The following KPNA6 variants were observed in gnomAD, a reference collection of about 807,000 sequenced individuals.
The protein encoded by KPNA6 is importin subunit alpha-7.
In KPNA6, 9 loss-of-function variants were observed where a neutral mutation model predicts 72.0. That is an observed-to-expected ratio of 0.13 (90% CI 0.08 to 0.22). The LOEUF (loss-of-function observed/expected upper bound fraction) is 0.22, where lower values mean the gene tolerates loss of function less well. Ranked by LOEUF, KPNA6 falls within the 10% of genes least tolerant of loss-of-function variation. The pLI is 1.00. For synonymous variants in KPNA6, 219 were observed against 242.1 expected (o/e 0.90, Z 0.89); for missense variants, 374 against 655.7 (o/e 0.57, Z 4.69).
chr1:32,161,825 G>A, intron 7 of KPNA6, 122 bp from the exon 8 acceptor site: 2 of 708,646 alleles, frequency 2.8e-6, no homozygotes, highest in Admixed American at 2.4e-5. Flanking sequence ...TTAGGTCTGT[G>A]AGTAGGAAGA....
At chr1:32,143,270 T>C (rs999566425) in intron 1 of KPNA6, among the ~76,000 whole-genome samples, 38 of 152,058 alleles carry the variant, frequency 2.5e-4, no homozygotes, top group Non-Finnish European at 4.0e-4. Flanking sequence ...TTCACCATAT[T>C]GCTCAGGCTG....
intron 1 of KPNA6, 105 bp downstream of exon 1, chr1:32,108,239 T>A (rs1569975069): frequency 6.6e-7 from 1 of 1,507,190 alleles, no homozygotes; most frequent in East Asian, 2.3e-5. Context: ...CTGCATCCCC[T>A]CTAGCTAGGT....
Position 32,119,007 on chromosome 1 carries a change from TATATATATATATATATATATATA to T in KPNA6, c.4+10874_4+10896del, listed in dbSNP as rs1474190344. On this transcript the variant is annotated intron_variant, in intron 1 of 13. Transcript: ENST00000373625. ...GTGTGTGTGTGTATACATATATATA[TATATATATATATATATATATATA>T]TATTTTTTTTTTTTTTTTTGAGAGA... is the stretch of plus-strand genomic sequence containing the variant. Among the ~76,000 whole-genome samples, 19 of 64,446 alleles carry T rather than the reference TATATATATATATATATATATATA, an allele frequency of 2.9e-4. 1 individual carries two copies. The highest frequency in any genetic ancestry group is 3.9e-4 in the Non-Finnish European group (14 of 36,314). The allele number at this position is 64,446 out of a possible 152,430, so 42.3% of individuals were successfully genotyped here. A position where few individuals can be genotyped will look rare whatever the true frequency, so the allele number is the denominator to read the frequency against.
Position 32,115,893 on chromosome 1 carries a change from G to A in KPNA6, c.4+7759G>A, listed in dbSNP as rs139872837. On this transcript the variant is annotated intron_variant, in intron 1 of 13. Coordinates refer to ENST00000373625, the MANE Select transcript of KPNA6 (RefSeq NM_012316.5). Reference sequence around the variant, plus strand: ...CAGGTAGCCAGGATAACAGGTGCCCGCCACCACATCTGGCTAATTTTTGTA... The same window carrying A: ...CAGGTAGCCAGGATAACAGGTGCCCACCACCACATCTGGCTAATTTTTGTA... Among the ~76,000 whole-genome samples, 50 of 151,768 alleles carry A rather than the reference G, an allele frequency of 3.3e-4. No homozygotes were observed. In the East Asian group the frequency reaches 9.3e-3, roughly 28 times the overall value.
intron 12 of KPNA6, among the ~76,000 whole-genome samples, chr1:32,168,896 A>AT (rs550312747): frequency 1.2e-3 from 185 of 152,272 alleles, no homozygotes; most frequent in African/African-American, 4.2e-3. Context: ...CCTGTGAAAA[A>AT]TTTTATGCAG....
intron 1 of KPNA6, among the ~76,000 whole-genome samples, chr1:32,132,267 G>T (rs115842469): frequency 1.3e-5 from 2 of 151,526 alleles, no homozygotes; most frequent in Non-Finnish European, 2.9e-5. Context: ...CACCATGCCC[G>T]GCCCAGTGGT....
In KPNA6 at chr1:32,154,621, G is replaced by C; in HGVS notation, c.38G>C (p.Arg13Pro). 1 of 1,613,828 alleles carries C rather than the reference G, an allele frequency of 6.2e-7. No homozygotes were observed. The highest frequency in any genetic ancestry group is 8.5e-7 in the Non-Finnish European group (1 of 1,179,896). ...GCGAGCCCAGGGAAAGACAATTATC[G>C]AATGAAGAGCTATAAGAACAATGCT... is the stretch of plus-strand genomic sequence containing the variant. ...TMASPGKDNY[R>P]MKSYKNNALN... The change falls in exon 2 of 14, where the codon CGA (arginine) becomes CCA (proline). Residue 13 changes from arginine (R) to proline (P), a missense_variant. Physicochemically the swap from Arg to Pro is moderately radical, Grantham distance 103. Around this residue, in one of 3 missense-constraint regions of KPNA6, gnomAD observed 298 missense variants for 495.4 expected, o/e 0.60. Coordinates refer to ENST00000373625, the MANE Select transcript of KPNA6 (RefSeq NM_012316.5).
chr1:32,169,037 C>T (rs1191115434), intron 12 of KPNA6, among the ~76,000 whole-genome samples: 1 of 151,978 alleles, frequency 6.6e-6, no homozygotes, highest in East Asian at 1.9e-4. Context: ...AGAACAATAT[C>T]AACAGGAAGG....
chr1:32,151,130 G>A (rs1185580750), intron 1 of KPNA6, among the ~76,000 whole-genome samples: 1 of 152,090 alleles, frequency 6.6e-6, no homozygotes, highest in Non-Finnish European at 1.5e-5. Flanking sequence ...CAAGCATTGT[G>A]AATTTTGTTT....
At chr1:32,131,502 A>G (rs1641634908) in intron 1 of KPNA6, among the ~76,000 whole-genome samples, 1 of 152,044 alleles carries the variant, frequency 6.6e-6, no homozygotes. Flanking sequence ...TTTTTAAAGT[A>G]AAAAAAGATT....
intron 2 of KPNA6, 119 bp from the exon 3 acceptor site, chr1:32,156,734 G>C: frequency 1.4e-6 from 1 of 693,278 alleles, no homozygotes; most frequent in Non-Finnish European, 2.5e-6. Context: ...ATAAAGCTTG[G>C]CCTCACTTCT....
rs189644980 is a variant in KPNA6 at position 32,176,499 on chromosome 1, G to T, written c.*5605G>T. Reference sequence around the variant, plus strand: ...ACACATCCAAATTTGAAGAGAAAATGTATTTCTTTAGGTTTCAAACACTGT... The same window carrying T: ...ACACATCCAAATTTGAAGAGAAAATTTATTTCTTTAGGTTTCAAACACTGT... On this transcript the variant is annotated 3_prime_UTR_variant, in exon 14 of 14. Coordinates refer to ENST00000373625, the MANE Select transcript of KPNA6 (RefSeq NM_012316.5). The T allele has an allele frequency of 9.2e-5, 14 of 152,328 alleles. No homozygotes were observed. The highest frequency in any genetic ancestry group is 3.1e-4 in the African/African-American group (13 of 41,432). 9.4% of individuals were successfully genotyped at this position (152,328 alleles called of 1,614,324 possible). A position where few individuals can be genotyped will look rare whatever the true frequency, so the allele number is the denominator to read the frequency against.
At chr1:32,127,385 C>G (rs1007692549) in intron 1 of KPNA6, among the ~76,000 whole-genome samples, 1 of 152,198 alleles carries the variant, frequency 6.6e-6, no homozygotes, top group African/African-American at 2.4e-5. Context: ...TCCCATTTCA[C>G]CCTGGGCCTT....
At chr1:32,114,398 G>A (rs1048107948) in intron 1 of KPNA6, among the ~76,000 whole-genome samples, 2 of 149,398 alleles carry the variant, frequency 1.3e-5, no homozygotes, top group Non-Finnish European at 3.0e-5. Flanking sequence ...CTGAGATCAC[G>A]CCACAGCACT....
intron 1 of KPNA6, among the ~76,000 whole-genome samples, chr1:32,127,942 T>C (rs1029171249): frequency 5.9e-5 from 9 of 152,148 alleles, no homozygotes; most frequent in African/African-American, 2.2e-4. Flanking sequence ...CTGTTTGAGA[T>C]TGGAGATAAC....
chr1:32,108,664 C>T (rs1230913376), intron 1 of KPNA6, among the ~76,000 whole-genome samples: 16 of 152,238 alleles, frequency 1.1e-4, no homozygotes, highest in Non-Finnish European at 2.2e-4. Flanking sequence ...CCGAGGGCAG[C>T]TTGCGCCGCT....
chr1:32,143,530 A>G (rs1246212492), intron 1 of KPNA6, among the ~76,000 whole-genome samples: 1 of 150,146 alleles, frequency 6.7e-6, no homozygotes, highest in African/African-American at 2.4e-5. Context: ...CCAAGATCGC[A>G]CTGCTGCACT....
At chr1:32,146,663 A>G (rs1020364978) in intron 1 of KPNA6, among the ~76,000 whole-genome samples, 9 of 152,208 alleles carry the variant, frequency 5.9e-5, no homozygotes, top group Non-Finnish European at 1.0e-4. Flanking sequence ...TGTGTGACCA[A>G]TAATGTAGAT....
In KPNA6 at chr1:32,162,542, G is replaced by A. The variant is rs1225266038; in HGVS notation, c.911+18G>A. ...CTGCTGATGTGAGTGGTCTTAGAAG[G>A]GGTACAGGTTCTGGCTGGGCACGGT... is the stretch of plus-strand genomic sequence containing the variant. On this transcript the variant is annotated intron_variant, in intron 9 of 13. Transcript: ENST00000373625. The A allele has an allele frequency of 1.2e-6, 2 of 1,613,032 alleles. No individual in the cohort carries two copies. Among genetic ancestry groups the A allele is most frequent in the Non-Finnish European group, 1.7e-6 (2 of 1,179,908 alleles).
Sources: allele counts gnomAD v4.1 joint callset (sites outside exome capture counted in the v4.1 genomes callset), GRCh38; gene constraint gnomAD v4.1.1; regional missense constraint gnomAD v4.1.1; transcripts MANE v1.5; gene names NCBI Gene and HGNC (gene_info 2026-07-23, HGNC 2026-07-21).